Variants in ATRN observed in about 807,000 individuals in gnomAD.
ATRN encodes attractin.
In ATRN, 54 loss-of-function variants were observed where a neutral mutation model predicts 178.7. The ratio of observed to expected loss-of-function variants is 0.30; its 90% CI spans 0.24 to 0.38. ATRN has a LOEUF of 0.38. ATRN is among the 10% of genes least tolerant of loss of function. The pLI, the probability that ATRN is intolerant of heterozygous loss-of-function variation, is 1.00. For missense variants in ATRN, 1,443 were observed against 1,815.1 expected, an observed-to-expected ratio of 0.79 and a Z score of 3.73; for synonymous variants, 636 against 663.0, an observed-to-expected ratio of 0.96 and a Z score of 0.63.
intron 6 of ATRN, among the ~76,000 whole-genome samples, chr20:3,553,556 A>C (rs1472756369): frequency 6.6e-6 from 1 of 152,184 alleles, no homozygotes; most frequent in Non-Finnish European, 1.5e-5. Flanking sequence ...CTTAAAACCC[A>C]TCAGTGTCTT....
Position 3,591,206 on chromosome 20 carries a change from G to A in ATRN, c.3222G>A (p.Gln1074=). ...ACGGCCACAGTAAATGCATCAATCAGAGCATCTGTGAGAAGTGTGAGAACC... is the reference window on the plus strand; with the variant it reads ...ACGGCCACAGTAAATGCATCAATCAAAGCATCTGTGAGAAGTGTGAGAACC... ...QCNGHSKCIN[Q]SICEKCENLT... The change falls in exon 19 of 29, where the codon CAG becomes CAA. Residue 1074 remains glutamine, a synonymous_variant. Transcript: ENST00000262919. 1 of 1,614,174 alleles carries A rather than the reference G, an allele frequency of 6.2e-7. No individual in the cohort carries two copies. Among genetic ancestry groups the A allele is most frequent in the African/African-American group, 1.3e-5 (1 of 75,050 alleles).
chr20:3,604,064 C>T, intron 23 of ATRN, 41 bp from the exon 24 acceptor site: 2 of 1,531,042 alleles, frequency 1.3e-6, no homozygotes, highest in Non-Finnish European at 1.7e-6. Flanking sequence ...CCCTAGCCCC[C>T]CAAAAAATGT....
At chr20:3,559,669 T>A (rs1194078727) in intron 7 of ATRN, among the ~76,000 whole-genome samples, 186 bp downstream of exon 7, 1 of 152,188 alleles carries the variant, frequency 6.6e-6, no homozygotes, top group African/African-American at 2.4e-5. Flanking sequence ...CTCAAGAGAT[T>A]TTAATGGCTT....
At chr20:3,547,210 T>C in intron 4 of ATRN, 74 bp from the exon 5 acceptor site, 1 of 1,163,468 alleles carries the variant, frequency 8.6e-7, no homozygotes, top group South Asian at 1.3e-5. Flanking sequence ...CTTAAACTTG[T>C]GTGGGAGGAA....
chr20:3,478,250 G>A (rs1046969491), intron 1 of ATRN, among the ~76,000 whole-genome samples: 2 of 151,968 alleles, frequency 1.3e-5, no homozygotes, highest in South Asian at 2.1e-4. Flanking sequence ...CTATGCACAC[G>A]TATGTTTATT....
chr20:3,490,589 C>CA (rs1184019925), intron 1 of ATRN: 2 of 1,057,942 alleles, frequency 1.9e-6, no homozygotes, highest in African/African-American at 1.6e-5. Flanking sequence ...AGGTAACAGT[C>CA]ACGGAGATCG....
intron 6 of ATRN, among the ~76,000 whole-genome samples, chr20:3,556,340 GA>G (rs1345807070): frequency 6.6e-6 from 1 of 152,178 alleles, no homozygotes; most frequent in African/African-American, 2.4e-5. Flanking sequence ...GTGTATCCAA[GA>G]AAAATAAAGT....
intron 18 of ATRN, among the ~76,000 whole-genome samples, 153 bp downstream of exon 18, chr20:3,585,033 G>C (rs1433987105): frequency 6.6e-6 from 1 of 152,158 alleles, no homozygotes; most frequent in Non-Finnish European, 1.5e-5. Flanking sequence ...ACCAGAAGCT[G>C]GTCCAAGGCC....
In ATRN at chr20:3,563,275, G is replaced by T. The variant is rs1274344688; in HGVS notation, c.1698G>T (p.Met566Ile). The T allele has an allele frequency of 6.2e-7, 1 of 1,614,110 alleles. No individual in the cohort carries two copies. The highest frequency in any genetic ancestry group is 1.1e-5 in the South Asian group (1 of 91,088). The part of the protein sequence containing the change: ...LHTAVIVSGT[M>I]LVFGGNTHND... ...CAGCTGTGATAGTGAGTGGAACCATGCTGGTGTTTGGAGGAAACACACACA... is the reference window on the plus strand; with the variant it reads ...CAGCTGTGATAGTGAGTGGAACCATTCTGGTGTTTGGAGGAAACACACACA... The change falls in exon 10 of 29, where the codon ATG (methionine) becomes ATT (isoleucine). Residue 566 changes from methionine (M) to isoleucine (I), a missense_variant. Transcript: ENST00000262919.
chr20:3,579,494 A>C (rs1357479852), intron 15 of ATRN, among the ~76,000 whole-genome samples: 2 of 152,132 alleles, frequency 1.3e-5, no homozygotes, highest in Non-Finnish European at 2.9e-5. Context: ...TCAAAACAAA[A>C]AAAGAACAGC....
intron 11 of ATRN, among the ~76,000 whole-genome samples, chr20:3,570,113 A>G (rs1413097191): frequency 6.8e-6 from 1 of 147,672 alleles, no homozygotes; most frequent in African/African-American, 2.5e-5. Flanking sequence ...CTCAGTGTCC[A>G]TTCAGTGTTT....
chr20:3,596,521 G>C lies in ATRN; in HGVS notation c.3469+92G>C, dbSNP rs1002466727. 26 of 1,153,342 alleles carry C rather than the reference G, an allele frequency of 2.3e-5. No homozygotes were observed. The Admixed American group carries it at 2.8e-4, about 12-fold the overall frequency. 71.4% of individuals were successfully genotyped at this position (1,153,342 alleles called of 1,614,324 possible). On this transcript the variant is annotated intron_variant, in intron 21 of 28. Transcript: ENST00000262919. ...GGTTTGAGAATAGTAAGTGCTATAA[G>C]ACTATAGCAGCCACCAATGAAGTGT...
In ATRN at chr20:3,638,955, G is replaced by C. The variant is rs1378482628; in HGVS notation, c.4050+20G>C. The C allele has an allele frequency of 1.2e-6, 2 of 1,602,866 alleles. No individual in the cohort carries two copies. Among genetic ancestry groups the C allele is most frequent in the Non-Finnish European group, 1.7e-6 (2 of 1,171,526 alleles). On this transcript the variant is annotated intron_variant, in intron 27 of 28. Transcript: ENST00000262919. This position sits in a 1 kb window ranked among gnomAD's most constrained non-coding sequence, Gnocchi z 4.5. ...ATAAAGGTGAGAATGTGACTCAGAA[G>C]TCCCTATAACTTGACTTTTTAAAAC...
Position 3,624,038 on chromosome 20 carries a change from G to A in ATRN, c.3802-473G>A, listed in dbSNP as rs1030613763. Among the ~76,000 whole-genome samples the A allele has an allele frequency of 6.6e-5, 10 of 152,264 alleles. No homozygotes were observed. The East Asian group carries it at 7.7e-4, about 12-fold the overall frequency. ...GATGATGTTCAGTGTAGCAAAACGC[G>A]AGGCACAATTTTTTGTAAAAAGGAC... On this transcript the variant is annotated intron_variant, in intron 24 of 28. Transcript: ENST00000262919.
At chr20:3,600,409 T>G (rs1220724374) in intron 22 of ATRN, among the ~76,000 whole-genome samples, 3 of 152,290 alleles carry the variant, frequency 2.0e-5, no homozygotes, top group Middle Eastern at 6.8e-3. Context: ...AATAAAATTA[T>G]TTTTTAAATT....
intron 1 of ATRN, among the ~76,000 whole-genome samples, chr20:3,497,674 C>T (rs1348797087): frequency 4.6e-5 from 7 of 152,064 alleles, no homozygotes; most frequent in East Asian, 1.9e-4. Flanking sequence ...ATCTTTGTGG[C>T]GTTCTCTGTA....
At chr20:3,584,511 C>T in intron 17 of ATRN, 136 bp from the exon 18 acceptor site, 2 of 692,836 alleles carry the variant, frequency 2.9e-6, no homozygotes, top group South Asian at 2.0e-5. Flanking sequence ...TCTTTACATT[C>T]ATTATCTCTT....
chr20:3,549,369 C>T, intron 6 of ATRN, 31 bp downstream of exon 6: 1 of 1,479,478 alleles, frequency 6.8e-7, no homozygotes, highest in Non-Finnish European at 9.0e-7. Context: ...TTGCAAGAAG[C>T]TTAGTTTTTT....
intron 1 of ATRN, among the ~76,000 whole-genome samples, chr20:3,483,303 G>A (rs148996171): frequency 2.0e-5 from 3 of 152,098 alleles, no homozygotes; most frequent in Middle Eastern, 3.2e-3. Flanking sequence ...CTGCTGATGG[G>A]CATTTAGAGT....
Sources: gnomAD v4.1 joint callset for allele counts (sites outside exome capture counted in the v4.1 genomes callset) on GRCh38, gnomAD v4.1.1 for gene constraint, Gnocchi (gnomAD v3.1) non-coding constraint, MANE v1.5 for transcripts, NCBI Gene and HGNC (gene_info 2026-07-23, HGNC 2026-07-21) for gene names.